Variants in SLC5A4 observed in about 807,000 individuals in gnomAD.
SLC5A4 encodes the protein probable glucose sensor protein SLC5A4.
In SLC5A4, 55 loss-of-function variants were observed where a neutral mutation model predicts 70.3. That is an observed-to-expected ratio of 0.78 (90% CI 0.63 to 0.98). The LOEUF (loss-of-function observed/expected upper bound fraction) is 0.98, where lower values mean the gene tolerates loss of function less well. Ranked by LOEUF, SLC5A4 falls within the 50% of genes least tolerant of loss-of-function variation. The probability of loss-of-function intolerance (pLI) is 0.00; values close to 1 mark genes in which losing one functional copy is unlikely to be tolerated. For missense variants in SLC5A4, 735 were observed against 839.2 expected (o/e 0.88, Z 1.53); for synonymous variants, 268 against 305.7 (o/e 0.88, Z 1.29).
the SLC5A4 span, among the ~76,000 whole-genome samples, chr22:32,304,516 T>TGA: frequency 1.3e-5 from 2 of 152,170 alleles, no homozygotes; most frequent in Admixed American, 6.5e-5. Context: ...TGGGCTGAAG[T>TGA]GACCTTCCCG....
rs201440726 is a variant in SLC5A4, at chr22:32,230,592, TTATTC to T, written c.1129+371_1129+375del. The stretch of plus-strand genomic sequence containing the variant: ...CCCCCCAAAAAGCATAATAAATAGT[TTATTC>T]TATTTGGTTTATTTGGTTATCACTA... On this transcript the variant is annotated intron_variant, in intron 10 of 14. Transcript: ENST00000266086. Among the ~76,000 whole-genome samples, 204 of 152,294 alleles carry T rather than the reference TTATTC, an allele frequency of 1.3e-3. 2 individuals carry two copies. In the East Asian group the frequency reaches 0.019, roughly 14 times the overall value.
chr22:32,325,131 CCTCA>C, the SLC5A4 span, among the ~76,000 whole-genome samples: 5 of 152,258 alleles, frequency 3.3e-5, no homozygotes, highest in Admixed American at 2.0e-4. Flanking sequence ...CCAGTGCTCC[CCTCA>C]CTCAGTGTCA....
At chr22:32,330,084 G>GGT in the SLC5A4 span, among the ~76,000 whole-genome samples, 4 of 120,910 alleles carry the variant, frequency 3.3e-5, no homozygotes, top group African/African-American at 9.7e-5. Flanking sequence ...TGGAGGCTCT[G>GGT]GTGTGTGTGT....
chr22:32,243,474 T>C (rs897295880), intron 5 of SLC5A4, among the ~76,000 whole-genome samples: 2 of 152,218 alleles, frequency 1.3e-5, no homozygotes, highest in African/African-American at 4.8e-5. Context: ...AGTGTATCCA[T>C]GTTATGTTTA....
chr22:32,335,613 T>C, the SLC5A4 span, among the ~76,000 whole-genome samples: 1 of 152,128 alleles, frequency 6.6e-6, no homozygotes. Flanking sequence ...GTGATGCAAC[T>C]TGCCCAAGGA....
At chr22:32,334,309 C>T in the SLC5A4 span, among the ~76,000 whole-genome samples, 27 of 152,284 alleles carry the variant, frequency 1.8e-4, no homozygotes, top group Non-Finnish European at 2.1e-4. Context: ...GACCCTGTGC[C>T]CAGCCCCGCC....
At chr22:32,283,689 G>A in the SLC5A4 span, among the ~76,000 whole-genome samples, 7 of 152,182 alleles carry the variant, frequency 4.6e-5, no homozygotes, top group African/African-American at 1.7e-4. Flanking sequence ...AATGAGGTAA[G>A]ATAATTAGGA....
intron 2 of SLC5A4, among the ~76,000 whole-genome samples, chr22:32,252,087 G>A (rs533034288): frequency 3.3e-5 from 5 of 152,160 alleles, no homozygotes; most frequent in South Asian, 2.1e-4. Flanking sequence ...AAAATCAGCC[G>A]GGCGTGGTGG....
At position 32,251,863 on chromosome 22, in the gene SLC5A4, A is replaced by G; in HGVS notation, c.219T>C (p.Ser73=). The G allele has an allele frequency of 6.2e-7, 1 of 1,613,270 alleles. No individual in the cohort carries two copies. The highest frequency in any genetic ancestry group is 8.5e-7 in the Non-Finnish European group (1 of 1,179,226). The change falls in exon 3 of 15, where the codon TCT becomes TCC. Residue 73 remains serine (S), a synonymous_variant. Coordinates refer to ENST00000266086, the MANE Select transcript of SLC5A4 (RefSeq NM_014227.3). The stretch of plus-strand genomic sequence containing the variant: ...TGCTGCCGATGTTACTGGCAAAGAG[A>G]GAGGCGCCCATCTGGAATGCAAGAG... ...RDMAWWPMGA[S]LFASNIGSNH...
the SLC5A4 span, among the ~76,000 whole-genome samples, chr22:32,329,642 GGTGTGTGTTGGGGGCTCTGGT>G: frequency 2.5e-5 from 2 of 79,902 alleles, no homozygotes; most frequent in South Asian, 4.8e-4. Context: ...AGGGCTCTGG[GGTGTGTGTTGGGGGCTCTGGT>G]GTGTGTGTGT....
In SLC5A4 at chr22:32,248,728, G is replaced by T; in HGVS notation, c.372+15C>A. 6 of 1,588,472 alleles carry T rather than the reference G, an allele frequency of 3.8e-6. No individual in the cohort carries two copies. Among genetic ancestry groups the T allele is most frequent in the Non-Finnish European group, 4.3e-6 (5 of 1,156,724 alleles). ...CCTAGAACTGAACTCTGGCATTTTGGTAACAGATACTCACCCCCGACTTGA... is the reference window on the plus strand; with the variant it reads ...CCTAGAACTGAACTCTGGCATTTTGTTAACAGATACTCACCCCCGACTTGA... On this transcript the variant is annotated intron_variant, in intron 4 of 14. Coordinates refer to ENST00000266086, the MANE Select transcript of SLC5A4 (RefSeq NM_014227.3).
the SLC5A4 span, among the ~76,000 whole-genome samples, chr22:32,300,325 G>A: frequency 6.6e-6 from 1 of 150,710 alleles, no homozygotes; most frequent in African/African-American, 2.4e-5. Flanking sequence ...CGTGGGCGTA[G>A]GACCCTCTGA....
At chr22:32,323,242 ACCT>A in the SLC5A4 span, among the ~76,000 whole-genome samples, 58 of 151,628 alleles carry the variant, frequency 3.8e-4, 1 homozygote, top group Non-Finnish European at 6.5e-4. Flanking sequence ...TGGACCCCGC[ACCT>A]CCTCACCCCC....
the SLC5A4 span, among the ~76,000 whole-genome samples, chr22:32,312,385 ACGCACATT>A: frequency 2.1e-5 from 3 of 142,504 alleles, no homozygotes; most frequent in African/African-American, 7.7e-5. Context: ...ACACACACAC[ACGCACATT>A]CAATATTCTG....
chr22:32,336,468 G>A, the SLC5A4 span, among the ~76,000 whole-genome samples: 1 of 152,182 alleles, frequency 6.6e-6, no homozygotes, highest in African/African-American at 2.4e-5. Context: ...GGAGCCACGC[G>A]GGTCTCTTCC....
At chr22:32,271,854 G>T in the SLC5A4 span, 1 of 607,686 alleles carries the variant, frequency 1.6e-6, no homozygotes. Context: ...ATCCCGCTGT[G>T]CTGCACGGTC....
the SLC5A4 span, among the ~76,000 whole-genome samples, chr22:32,322,414 A>C: frequency 9.9e-3 from 1,512 of 152,146 alleles, 120 homozygotes; most frequent in East Asian, 0.2. Context: ...GTGAAACCCC[A>C]TCTCTACTAA....
At chr22:32,319,843 C>A in the SLC5A4 span, among the ~76,000 whole-genome samples, 2 of 152,142 alleles carry the variant, frequency 1.3e-5, no homozygotes, top group African/African-American at 4.8e-5. Flanking sequence ...TCCATAAAAG[C>A]AGGCTTTTTG....
At chr22:32,248,939 C>A in intron 3 of SLC5A4, 137 bp from the exon 4 acceptor site, 1 of 622,710 alleles carries the variant, frequency 1.6e-6, no homozygotes, top group Non-Finnish European at 2.9e-6. Context: ...AACTATAATC[C>A]CAAGACAATT....
Sources: gnomAD v4.1 joint callset for allele counts (sites outside exome capture counted in the v4.1 genomes callset) on GRCh38, gnomAD v4.1.1 for gene constraint, MANE v1.5 for transcripts, NCBI Gene and HGNC (gene_info 2026-07-23, HGNC 2026-07-21) for gene names.